CDK14: variants seen among roughly 807,000 people sequenced by gnomAD.
CDK14 encodes the protein cyclin-dependent kinase 14.
A neutral mutation model predicts 60.7 loss-of-function variants in CDK14; 34 were observed. That is an observed-to-expected ratio of 0.56 (90% confidence interval 0.43 to 0.75). The LOEUF (loss-of-function observed/expected upper bound fraction) is 0.75, where lower values mean the gene tolerates loss of function less well. Among genes scored for constraint, CDK14 ranks in the 30% least tolerant of loss-of-function variants. The pLI, the probability that CDK14 is intolerant of heterozygous loss-of-function variation, is 0.00. For synonymous variants in CDK14, 197 were observed against 203.7 expected (o/e 0.97, Z 0.28); for missense variants, 482 against 564.1 (o/e 0.85, Z 1.47).
intron 8 of CDK14, among the ~76,000 whole-genome samples, chr7:90,925,031 T>C (rs1223787786): frequency 1.3e-5 from 2 of 152,320 alleles, no homozygotes; most frequent in East Asian, 3.9e-4. Context: ...TTTCAATACA[T>C]GTCTGAAAAA....
At chr7:90,786,975 A>G (rs1257939797) in intron 4 of CDK14, among the ~76,000 whole-genome samples, 1 of 151,852 alleles carries the variant, frequency 6.6e-6, no homozygotes, top group African/African-American at 2.4e-5. Context: ...CAAAAGGTAG[A>G]CTATTAAAAA....
intron 11 of CDK14, among the ~76,000 whole-genome samples, chr7:91,062,704 C>G (rs1797842141): frequency 6.6e-6 from 1 of 152,072 alleles, no homozygotes; most frequent in Non-Finnish European, 1.5e-5. Flanking sequence ...GGAAGGTAGA[C>G]AGGGCAGATG....
intron 12 of CDK14, among the ~76,000 whole-genome samples, chr7:91,097,285 G>A (rs1386756226): frequency 1.3e-5 from 2 of 151,934 alleles, no homozygotes; most frequent in Admixed American, 6.6e-5. Flanking sequence ...GAAGGCTGAG[G>A]CAGGACAGTT....
intron 7 of CDK14, among the ~76,000 whole-genome samples, chr7:90,913,560 A>G (rs1792978149): frequency 6.6e-6 from 1 of 152,236 alleles, no homozygotes; most frequent in Non-Finnish European, 1.5e-5. Context: ...TATTCTTATT[A>G]GGAGAAAGGG....
chr7:91,026,124 C>T (rs1796563449), intron 10 of CDK14, among the ~76,000 whole-genome samples: 1 of 152,040 alleles, frequency 6.6e-6, no homozygotes, highest in Admixed American at 6.6e-5. Flanking sequence ...TAAGGCTGTC[C>T]TTTCTCCCTG....
chr7:90,875,993 C>T (rs771461801), intron 6 of CDK14, among the ~76,000 whole-genome samples: 6 of 151,984 alleles, frequency 3.9e-5, no homozygotes, highest in Admixed American at 6.5e-5. Context: ...TGAAGTTTTT[C>T]TAATAGTAAA....
chr7:91,046,629 T>C (rs1172163221), intron 11 of CDK14, among the ~76,000 whole-genome samples: 1 of 152,196 alleles, frequency 6.6e-6, no homozygotes, highest in African/African-American at 2.4e-5. Context: ...AGGTTTGGAA[T>C]TGAAAATTTA....
chr7:90,701,454 A>G (rs1705665069), intron 2 of CDK14, among the ~76,000 whole-genome samples: 1 of 152,170 alleles, frequency 6.6e-6, no homozygotes, highest in Non-Finnish European at 1.5e-5. Context: ...TTTAGTACAA[A>G]TTTTTATATA....
chr7:90,927,183 C>T (rs79030996), intron 8 of CDK14, among the ~76,000 whole-genome samples: 9,835 of 152,182 alleles, frequency 0.065, 394 homozygotes, highest in East Asian at 0.18. Context: ...TAGCCCCTTG[C>T]CCCTCCCTGG....
chr7:90,828,757 T>A (rs1217618855), intron 5 of CDK14, among the ~76,000 whole-genome samples: 1 of 152,198 alleles, frequency 6.6e-6, no homozygotes, highest in Non-Finnish European at 1.5e-5. Context: ...ATTATACTCT[T>A]TTACAATTCA....
At chr7:90,792,640 T>C (rs1161285894) in intron 5 of CDK14, among the ~76,000 whole-genome samples, 1 of 152,176 alleles carries the variant, frequency 6.6e-6, no homozygotes, top group Admixed American at 6.6e-5. Context: ...TCTGTCCACG[T>C]TCTGTCTCTC....
At chr7:90,759,064 A>AAAAAT (rs1804205808) in intron 4 of CDK14, among the ~76,000 whole-genome samples, 1 of 151,734 alleles carries the variant, frequency 6.6e-6, no homozygotes, top group South Asian at 2.1e-4. Context: ...TAAAAAAAAA[A>AAAAAT]AAAAAAATCG....
chr7:90,896,432 A>C (rs1049334749), intron 6 of CDK14, among the ~76,000 whole-genome samples: 1 of 152,198 alleles, frequency 6.6e-6, no homozygotes, highest in Non-Finnish European at 1.5e-5. Context: ...ACTACTAAAA[A>C]AGAAAAAATG....
intron 8 of CDK14, among the ~76,000 whole-genome samples, chr7:90,926,853 T>C (rs1241571151): frequency 2.0e-5 from 3 of 152,170 alleles, no homozygotes; most frequent in African/African-American, 7.2e-5. Flanking sequence ...CTGCTACAAA[T>C]TGGGCATTCC....
At chr7:91,183,622 C>T (rs1355553924) in intron 14 of CDK14, among the ~76,000 whole-genome samples, 1 of 152,194 alleles carries the variant, frequency 6.6e-6, no homozygotes, top group East Asian at 1.9e-4. Context: ...CTCCTTCATT[C>T]GCTTCCCTTC....
At chr7:91,094,788 C>G (rs1411472592) in intron 12 of CDK14, among the ~76,000 whole-genome samples, 1 of 152,092 alleles carries the variant, frequency 6.6e-6, no homozygotes, top group African/African-American at 2.4e-5. Flanking sequence ...ATTTCAAAAA[C>G]TCGAAAGATA....
At position 91,027,138 on chromosome 7, in the gene CDK14, G is replaced by A. The variant is rs35398216; in HGVS notation, c.1042-18759G>A. The stretch of plus-strand genomic sequence containing the variant: ...CATGTATAACCCACAATACGTAACT[G>A]TTATAATTTCTAGATACTGGAAAAT... On this transcript the variant is annotated intron_variant, in intron 10 of 14. Coordinates refer to ENST00000380050, the MANE Select transcript of CDK14 (RefSeq NM_001287135.2). Among the ~76,000 whole-genome samples, 9 of 152,284 alleles carry A rather than the reference G, an allele frequency of 5.9e-5. No homozygotes were observed. In the South Asian group the frequency reaches 1.2e-3, roughly 21 times the overall value.
chr7:91,075,367 C>A (rs1798269227), intron 11 of CDK14, among the ~76,000 whole-genome samples: 1 of 152,054 alleles, frequency 6.6e-6, no homozygotes, highest in African/African-American at 2.4e-5. Flanking sequence ...ATGAAAAAAA[C>A]CACATGATTA....
At chr7:90,641,939 G>T (rs1218986081) in intron 2 of CDK14, among the ~76,000 whole-genome samples, 1 of 152,156 alleles carries the variant, frequency 6.6e-6, no homozygotes, top group Non-Finnish European at 1.5e-5. Context: ...GAGAGAGCTT[G>T]TGCAGGAAAA....
Sources: gnomAD v4.1 joint callset for allele counts (sites outside exome capture counted in the v4.1 genomes callset) on GRCh38, gnomAD v4.1.1 for gene constraint, MANE v1.5 for transcripts, NCBI Gene and HGNC (gene_info 2026-07-23, HGNC 2026-07-21) for gene names.